The following NRG1 variants were observed in gnomAD, a reference collection of about 807,000 sequenced individuals.
The protein encoded by NRG1 is pro-neuregulin-1, membrane-bound isoform.
In NRG1, 18 loss-of-function variants were observed where a neutral mutation model predicts 63.8. The ratio of observed to expected loss-of-function variants is 0.28; its 90% CI spans 0.19 to 0.42. The LOEUF (loss-of-function observed/expected upper bound fraction) is 0.42. Ranked by LOEUF, NRG1 falls within the 10% of genes least tolerant of loss-of-function variation. The pLI, the probability that NRG1 is intolerant of heterozygous loss-of-function variation, is 1.00. For synonymous variants in NRG1, 302 were observed against 301.3 expected (o/e 1.00, Z -0.02); for missense variants, 762 against 814.7 (o/e 0.94, Z 0.79).
At chr8:32,108,397 T>C (rs1424639559) in intron 1 of NRG1, among the ~76,000 whole-genome samples, 1 of 152,130 alleles carries the variant, frequency 6.6e-6, no homozygotes, top group Non-Finnish European at 1.5e-5. Context: ...AAAGGAACAG[T>C]ATGTTCTCAC....
At chr8:31,747,300 T>C (rs1270734680) in intron 1 of NRG1, among the ~76,000 whole-genome samples, 1 of 151,932 alleles carries the variant, frequency 6.6e-6, no homozygotes. Flanking sequence ...ATACACCTAC[T>C]GTGTATCCAC....
chr8:32,135,407 G>A (rs926724532), intron 1 of NRG1, among the ~76,000 whole-genome samples: 11 of 152,056 alleles, frequency 7.2e-5, no homozygotes, highest in African/African-American at 2.7e-4. Flanking sequence ...GGTGACTGTT[G>A]GAGGGTAGTG....
chr8:32,228,758 C>T (rs941740110), intron 1 of NRG1, among the ~76,000 whole-genome samples: 7 of 152,106 alleles, frequency 4.6e-5, no homozygotes, highest in African/African-American at 1.7e-4. Flanking sequence ...AGAACTCTCA[C>T]AATTGTGACA....
chr8:31,757,321 A>G (rs1017718709), intron 1 of NRG1, among the ~76,000 whole-genome samples: 1 of 152,088 alleles, frequency 6.6e-6, no homozygotes, highest in Non-Finnish European at 1.5e-5. Context: ...TATTTTCATC[A>G]TTCAGTTAAG....
At chr8:32,055,680 T>A (rs1016315391) in intron 1 of NRG1, among the ~76,000 whole-genome samples, 2 of 151,616 alleles carry the variant, frequency 1.3e-5, no homozygotes, top group African/African-American at 2.4e-5. Flanking sequence ...CACTTTTTTT[T>A]TTTTTTGCTT....
intron 1 of NRG1, among the ~76,000 whole-genome samples, chr8:32,578,253 C>G (rs1049131963): frequency 5.3e-5 from 8 of 152,166 alleles, no homozygotes; most frequent in Non-Finnish European, 2.9e-5. Flanking sequence ...CTCAGCCTTC[C>G]AAAGTGCTGA....
chr8:32,114,462 G>T (rs1468247957), intron 1 of NRG1, among the ~76,000 whole-genome samples: 3 of 152,030 alleles, frequency 2.0e-5, no homozygotes, highest in Non-Finnish European at 4.4e-5. Context: ...ATTGGTAAAT[G>T]ACAAATGTTT....
chr8:32,569,465 G>A (rs1188188622), intron 1 of NRG1, among the ~76,000 whole-genome samples: 2 of 152,158 alleles, frequency 1.3e-5, no homozygotes, highest in East Asian at 1.9e-4. Flanking sequence ...GATTGCCTCA[G>A]TAGAAAGCTA....
At chr8:32,626,568 T>C (rs1388599620) in intron 5 of NRG1, among the ~76,000 whole-genome samples, 1 of 151,806 alleles carries the variant, frequency 6.6e-6, no homozygotes, top group Non-Finnish European at 1.5e-5. Context: ...TAGTCCCAGC[T>C]ACTGGGGAGG....
chr8:31,713,352 G>T (rs1250784599), intron 1 of NRG1, among the ~76,000 whole-genome samples: 1 of 151,898 alleles, frequency 6.6e-6, no homozygotes, highest in African/African-American at 2.4e-5. Context: ...TCCTGACCTC[G>T]TGATCCGCCG....
At chr8:31,740,030 G>T (rs964108458) in intron 1 of NRG1, among the ~76,000 whole-genome samples, 1 of 151,916 alleles carries the variant, frequency 6.6e-6, no homozygotes, top group South Asian at 2.1e-4. Context: ...AATTTAGTTA[G>T]CTATAAATGT....
intron 1 of NRG1, among the ~76,000 whole-genome samples, chr8:31,676,175 G>T (rs1466782870): frequency 1.3e-5 from 2 of 152,098 alleles, no homozygotes; most frequent in African/African-American, 4.8e-5. Context: ...GGGTCTTAGA[G>T]AGTCGGGAGA....
chr8:32,537,769 A>T (rs1325026935), intron 1 of NRG1, among the ~76,000 whole-genome samples: 7 of 152,236 alleles, frequency 4.6e-5, no homozygotes. Context: ...GAGATGCAGC[A>T]GAGTCAGAGT....
intron 1 of NRG1, among the ~76,000 whole-genome samples, chr8:31,974,880 A>G (rs1807900334): frequency 6.6e-6 from 1 of 152,214 alleles, no homozygotes. Context: ...GACATGCACC[A>G]CAAACCCCCT....
intron 1 of NRG1, among the ~76,000 whole-genome samples, chr8:31,953,453 A>G (rs1803817274): frequency 1.3e-5 from 2 of 152,210 alleles, no homozygotes; most frequent in Non-Finnish European, 2.9e-5. Flanking sequence ...GTGCTTGGAT[A>G]AGAATGATAA....
intron 1 of NRG1, among the ~76,000 whole-genome samples, chr8:32,477,483 C>T (rs557815325): frequency 6.6e-6 from 1 of 152,298 alleles, no homozygotes; most frequent in South Asian, 2.1e-4. Context: ...TTTAGATTTT[C>T]ATATATTAAT....
chr8:31,722,373 C>CT (rs1457253087), intron 1 of NRG1, among the ~76,000 whole-genome samples: 2 of 152,060 alleles, frequency 1.3e-5, no homozygotes, highest in Non-Finnish European at 2.9e-5. Context: ...TGTCTTTCAT[C>CT]TGTTCTCTTA....
At chr8:31,675,371 T>G (rs1263466536) in intron 1 of NRG1, among the ~76,000 whole-genome samples, 1 of 152,174 alleles carries the variant, frequency 6.6e-6, no homozygotes, top group Non-Finnish European at 1.5e-5. Flanking sequence ...TGTAGAGTTT[T>G]GTCATAAGAA....
At position 32,316,932 on chromosome 8, in the gene NRG1, C is replaced by G. The variant is rs1449784671; in HGVS notation, c.38-278896C>G. Among the ~76,000 whole-genome samples the G allele has an allele frequency of 5.3e-5, 8 of 152,314 alleles. No individual in the cohort carries two copies. In the East Asian group the frequency reaches 1.5e-3, roughly 29 times the overall value. On this transcript the variant is annotated intron_variant, in intron 1 of 10. Transcript: ENST00000519301. ...AATAGGTACTTTCAGACAGAAGTCT[C>G]TAGAATATTCCTGAGGAAGTATTTT...
Sources: allele counts gnomAD v4.1 joint callset (sites outside exome capture counted in the v4.1 genomes callset), GRCh38; gene constraint gnomAD v4.1.1; transcripts MANE v1.5; gene names NCBI Gene and HGNC (gene_info 2026-07-23, HGNC 2026-07-21).